Variants in COL5A1 observed in about 807,000 individuals in gnomAD.
The protein encoded by COL5A1 is collagen alpha-1(V) chain.
In COL5A1, 16 loss-of-function variants were observed where a neutral mutation model predicts 263.7. The observed-to-expected ratio is 0.06, with a 90% confidence interval of 0.04 to 0.09. The LOEUF is 0.09. COL5A1 is among the 10% of genes least tolerant of loss of function. COL5A1 has a pLI of 1.00. For missense variants in COL5A1, 2,036 were observed against 2,540.5 expected, an observed-to-expected ratio of 0.80 and a Z score of 4.27; for synonymous variants, 1,012 against 1,004.5, an observed-to-expected ratio of 1.01 and a Z score of -0.14.
At position 134,812,599 on chromosome 9, in the gene COL5A1, T is replaced by C. The variant is rs1838567576; in HGVS notation, c.3745-6T>C. 1.9e-6 allele frequency: 3 copies of C among 1,609,202 alleles called. No homozygotes were observed. Among genetic ancestry groups the C allele is most frequent in the African/African-American group, 1.3e-5 (1 of 74,966 alleles). ...TCTGGGCTCAGTGGTCTCTCCCTTT[T>C]CCTAGGGCCCCCCGGGTCCCCCTGG... On this transcript the variant is annotated splice_polypyrimidine_tract_variant and splice_region_variant and intron_variant, in intron 47 of 65. Transcript: ENST00000371817.
chr9:134,778,128 C>T (rs916572478), intron 27 of COL5A1, among the ~76,000 whole-genome samples: 1 of 152,230 alleles, frequency 6.6e-6, no homozygotes, highest in East Asian at 1.9e-4. Context: ...AGGTGGTTTT[C>T]TGGGGCCCCC....
At chr9:134,832,940 A>G (rs1839702549) in intron 64 of COL5A1, 1 of 151,944 alleles carries the variant, frequency 6.6e-6, no homozygotes, top group African/African-American at 2.4e-5. Flanking sequence ...GTGCCCAAAC[A>G]CTCTTGGCAA....
intron 41 of COL5A1, 67 bp downstream of exon 41, chr9:134,805,281 C>T (rs1392116450): frequency 1.9e-6 from 3 of 1,571,664 alleles, no homozygotes; most frequent in East Asian, 2.2e-5. Context: ...GGGGCAGTCC[C>T]CGAGAGCCCA....
At chr9:134,713,635 G>A (rs889912693) in intron 4 of COL5A1, among the ~76,000 whole-genome samples, 1 of 152,238 alleles carries the variant, frequency 6.6e-6, no homozygotes, top group African/African-American at 2.4e-5. Flanking sequence ...GCCAGGAGAA[G>A]CGGCAGTGAA....
At chr9:134,807,921 C>G (rs953800819) in intron 42 of COL5A1, among the ~76,000 whole-genome samples, 1 of 152,112 alleles carries the variant, frequency 6.6e-6, no homozygotes, top group African/African-American at 2.4e-5. Context: ...AAGAGTTGCT[C>G]TATCCAGGCA....
rs1831519845 is a variant in COL5A1 at position 134,647,682 on chromosome 9, C to T, written c.109+5386C>T. ...CCGGTTGAGCGTGAGGCTGTGGGTT[C>T]TGCCGCAGGGCAAGCCGGGTCCAGC... is the stretch of plus-strand genomic sequence containing the variant. On this transcript the variant is annotated intron_variant, in intron 1 of 65. Transcript: ENST00000371817. This position sits in a 1 kb window ranked among gnomAD's most constrained non-coding sequence, Gnocchi z 5.0. 6.6e-6 allele frequency among the ~76,000 whole-genome samples: 1 copy of T among 152,206 alleles called. No homozygotes were observed. Among genetic ancestry groups the T allele is most frequent in the Admixed American group, 6.5e-5 (1 of 15,288 alleles).
chr9:134,831,045 C>G (rs1008910748), intron 64 of COL5A1, among the ~76,000 whole-genome samples: 11 of 152,202 alleles, frequency 7.2e-5, no homozygotes, highest in African/African-American at 2.7e-4. Context: ...TGGCCCCACT[C>G]CCAGGTGGTC....
chr9:134,756,562 A>T (rs1363502535), intron 16 of COL5A1, among the ~76,000 whole-genome samples: 1 of 152,130 alleles, frequency 6.6e-6, no homozygotes, highest in Non-Finnish European at 1.5e-5. Context: ...CGTGTGTTCC[A>T]TCCGTTGGTG....
rs1831523809 is a variant in COL5A1, at chr9:134,647,748, G to A, written c.109+5452G>A. On this transcript the variant is annotated intron_variant, in intron 1 of 65. Transcript: ENST00000371817. The surrounding 1 kb of genome is among the most constrained non-coding windows in gnomAD (Gnocchi z 5.0). ...CATGTCTTTTTAAACTCCCGGGAGG[G>A]CGATGTTACATTATGGCTCCCGCTT... Among the ~76,000 whole-genome samples the A allele has an allele frequency of 1.3e-5, 2 of 152,328 alleles. No homozygotes were observed. The highest frequency in any genetic ancestry group is 4.1e-4 in the South Asian group (2 of 4,826).
At chr9:134,819,629 C>T (rs1274645093) in intron 57 of COL5A1, among the ~76,000 whole-genome samples, 2 of 152,184 alleles carry the variant, frequency 1.3e-5, no homozygotes, top group Non-Finnish European at 2.9e-5. Flanking sequence ...CGAGGCTTGC[C>T]CTGGGTTCCT....
At chr9:134,776,172 C>T (rs929861668) in intron 27 of COL5A1, among the ~76,000 whole-genome samples, 2 of 152,086 alleles carry the variant, frequency 1.3e-5, no homozygotes, top group Non-Finnish European at 2.9e-5. Context: ...GAGCCTTAGG[C>T]GAGTCAGGTT....
intron 29 of COL5A1, among the ~76,000 whole-genome samples, 179 bp from the exon 30 acceptor site, chr9:134,784,810 C>T (rs1837392361): frequency 6.6e-6 from 1 of 152,256 alleles, no homozygotes; most frequent in Non-Finnish European, 1.5e-5. Context: ...GTACAATGCG[C>T]TCGCTTTGTC....
chr9:134,816,061 C>T, intron 52 of COL5A1, 73 bp downstream of exon 52: 1 of 1,500,010 alleles, frequency 6.7e-7, no homozygotes, highest in Non-Finnish European at 9.3e-7. Flanking sequence ...GCTTGCTTGA[C>T]TCATTTCTGG....
At chr9:134,772,129 G>T (rs529745706) in intron 25 of COL5A1, among the ~76,000 whole-genome samples, 1 of 152,248 alleles carries the variant, frequency 6.6e-6, no homozygotes, top group African/African-American at 2.4e-5. Flanking sequence ...AGGCCAGGTG[G>T]AGACCCGAGG....
chr9:134,660,333 T>C (rs542064883), intron 1 of COL5A1, among the ~76,000 whole-genome samples: 4 of 152,324 alleles, frequency 2.6e-5, no homozygotes, highest in African/African-American at 9.6e-5. Flanking sequence ...CCTCTGAAGA[T>C]TCGCTACCTG....
Position 134,743,180 on chromosome 9 carries a change from C to T in COL5A1, c.1494+4372C>T, listed in dbSNP as rs1363766201. ...CTCTCCAAAAGCCTTGCACCCCAGG[C>T]ACTCCTGTGTTTTAAGGCAGCTCCT... is the stretch of plus-strand genomic sequence containing the variant. On this transcript the variant is annotated intron_variant, in intron 11 of 65. Coordinates refer to ENST00000371817, the MANE Select transcript of COL5A1 (RefSeq NM_000093.5). Among the ~76,000 whole-genome samples the T allele has an allele frequency of 2.0e-5, 3 of 152,204 alleles. No homozygotes were observed. In the East Asian group the frequency reaches 5.8e-4, roughly 29 times the overall value.
chr9:134,788,660 G>A lies in COL5A1; in HGVS notation c.2647-495G>A, dbSNP rs534860512. Among the ~76,000 whole-genome samples, 6 of 151,652 alleles carry A rather than the reference G, an allele frequency of 4.0e-5. No individual in the cohort carries two copies. The South Asian group carries it at 1.3e-3, about 32-fold the overall frequency. On this transcript the variant is annotated intron_variant, in intron 31 of 65. Transcript: ENST00000371817. Reference sequence around the variant, plus strand: ...AGATAGATGGATAGACAGATAGATGGATAGACAGATAGATGGATAGACAGA... The same window carrying A: ...AGATAGATGGATAGACAGATAGATGAATAGACAGATAGATGGATAGACAGA...
intron 11 of COL5A1, among the ~76,000 whole-genome samples, chr9:134,747,945 A>G (rs185034010): frequency 4.6e-5 from 6 of 129,962 alleles, no homozygotes; most frequent in Admixed American, 3.7e-4. Flanking sequence ...ATGCATTCAT[A>G]CACATGCAGA....
intron 4 of COL5A1, among the ~76,000 whole-genome samples, chr9:134,719,331 C>T (rs1285067654): frequency 2.0e-5 from 3 of 152,370 alleles, no homozygotes; most frequent in African/African-American, 4.8e-5. Context: ...ACACACCGCA[C>T]ATGTGAATGC....
Sources: allele counts gnomAD v4.1 joint callset (sites outside exome capture counted in the v4.1 genomes callset), GRCh38; gene constraint gnomAD v4.1.1; non-coding constraint Gnocchi (gnomAD v3.1); transcripts MANE v1.5; gene names NCBI Gene and HGNC (gene_info 2026-07-23, HGNC 2026-07-21).